The following OSBPL3 variants were observed in gnomAD, a reference collection of about 807,000 sequenced individuals.
The protein encoded by OSBPL3 is oxysterol-binding protein-related protein 3.
Under a neutral mutation model 120.1 loss-of-function variants are expected in OSBPL3, and 65 were observed. That is an observed-to-expected ratio of 0.54 (90% confidence interval 0.44 to 0.67). The LOEUF is 0.67. OSBPL3 is among the 30% of genes least tolerant of loss of function. The pLI is 0.00. For missense variants in OSBPL3, 1,004 were observed against 1,082.1 expected (o/e 0.93, Z 1.01); for synonymous variants, 416 against 402.6 (o/e 1.03, Z -0.40).
At chr7:24,923,467 T>A (rs890810309) in intron 1 of OSBPL3, among the ~76,000 whole-genome samples, 1 of 152,180 alleles carries the variant, frequency 6.6e-6, no homozygotes, top group Non-Finnish European at 1.5e-5. Flanking sequence ...CTAGGCAGAC[T>A]CTGAAGACCA....
chr7:24,804,470 A>G lies in OSBPL3; in HGVS notation c.2445-33T>C, dbSNP rs1308494348. On this transcript the variant is annotated intron_variant, in intron 21 of 22. Transcript: ENST00000313367. The surrounding 1 kb of genome is among the most constrained non-coding windows in gnomAD (Gnocchi z 5.4). ...ATCGAGGAAAAAAAAATGAAAGGATATGAATTCAAGAAAACAAAACAATCA... is the reference window on the plus strand; with the variant it reads ...ATCGAGGAAAAAAAAATGAAAGGATGTGAATTCAAGAAAACAAAACAATCA... 5.0e-6 allele frequency: 8 copies of G among 1,601,866 alleles called. No individual in the cohort carries two copies. Among genetic ancestry groups the G allele is most frequent in the Non-Finnish European group, 6.0e-6 (7 of 1,172,544 alleles).
intron 1 of OSBPL3, among the ~76,000 whole-genome samples, chr7:24,895,052 A>T (rs991611163): frequency 1.1e-4 from 17 of 152,162 alleles, no homozygotes; most frequent in Non-Finnish European, 2.5e-4. Context: ...CACAAGGTGG[A>T]GTTTTGGGAT....
chr7:24,842,387 A>T lies in OSBPL3; in HGVS notation c.1293T>A (p.Ala431=). ...AEENSRDENR[A]LVHQLSNESR... ...TTTCATTAGAAAGCTGATGAACTAG[A>T]GCTCGGTTTTCATCTCTGGAGTTTT... The change falls in exon 13 of 23, where the codon GCT becomes GCA. Residue 431 remains alanine (A), a synonymous_variant. Coordinates refer to ENST00000313367, the MANE Select transcript of OSBPL3 (RefSeq NM_015550.4). The T allele has an allele frequency of 1.2e-6, 2 of 1,610,880 alleles. No homozygotes were observed. Among genetic ancestry groups the T allele is most frequent in the East Asian group, 2.2e-5 (1 of 44,858 alleles).
At chr7:24,943,257 C>A (rs1435533104) in intron 1 of OSBPL3, among the ~76,000 whole-genome samples, 1 of 152,172 alleles carries the variant, frequency 6.6e-6, no homozygotes. Context: ...TCCATGCTGA[C>A]GAATCTGACC....
intron 1 of OSBPL3, among the ~76,000 whole-genome samples, chr7:24,956,337 T>C (rs1815042391): frequency 6.6e-6 from 1 of 152,252 alleles, no homozygotes; most frequent in African/African-American, 2.4e-5. Context: ...AGGATGCCAG[T>C]GGATAGAACT....
At position 24,834,460 on chromosome 7, in the gene OSBPL3, G is replaced by A; in HGVS notation, c.1746+26C>T. On this transcript the variant is annotated intron_variant, in intron 15 of 22. Transcript: ENST00000313367. The surrounding 1 kb of genome is among the most constrained non-coding windows in gnomAD (Gnocchi z 5.2). ...GTGGCTTGGGGACCGAGGCTGGACA[G>A]TGGCAAGGGAAGGCTGACTCCTCAC... 6.3e-7 allele frequency: 1 copy of A among 1,596,146 alleles called. No homozygotes were observed. Among genetic ancestry groups the A allele is most frequent in the African/African-American group, 1.3e-5 (1 of 74,824 alleles).
chr7:24,979,834 G>GACAC (rs1818069420), intron 1 of OSBPL3, 52 bp downstream of exon 1: 2 of 723,648 alleles, frequency 2.8e-6, no homozygotes, highest in African/African-American at 1.9e-5. Context: ...CCGCGCCGCC[G>GACAC]CCAGGCCCCC....
In OSBPL3 at chr7:24,863,288, C is replaced by T. The variant is rs1360041557; in HGVS notation, c.782G>A (p.Gly261Glu). The T allele has an allele frequency of 6.2e-7, 1 of 1,613,250 alleles. No individual in the cohort carries two copies. The highest frequency in any genetic ancestry group is 8.5e-7 in the Non-Finnish European group (1 of 1,179,330). Residue 261 changes from glycine to glutamate, a missense_variant, in exon 9 of 23, where the codon GGA (glycine) becomes GAA (glutamate). By Grantham distance (98) the Gly-to-Glu change is moderately conservative. Around this residue, in one of 4 missense-constraint regions of OSBPL3, gnomAD observed 272 missense variants for 248.8 expected, o/e 1.09. Coordinates refer to ENST00000313367, the MANE Select transcript of OSBPL3 (RefSeq NM_015550.4). This position sits in a 1 kb window ranked among gnomAD's most constrained non-coding sequence, Gnocchi z 5.8. ...TTCCTTTTTGGGACTTTCAAAAGAT[C>T]CACCCTTTGTTTCAAAACAGGAAAG... ...SAPAINAIQG[G>E]SFESPKKEKR...
Position 24,808,950 on chromosome 7 carries a change from TAAC to T in OSBPL3, c.2317+854_2317+856del, listed in dbSNP as rs1793414291. Among the ~76,000 whole-genome samples the T allele has an allele frequency of 2.0e-5, 3 of 152,106 alleles. No individual in the cohort carries two copies. The highest frequency in any genetic ancestry group is 4.4e-5 in the Non-Finnish European group (3 of 68,016). On this transcript the variant is annotated intron_variant, in intron 20 of 22. Coordinates refer to ENST00000313367, the MANE Select transcript of OSBPL3 (RefSeq NM_015550.4). The surrounding 1 kb of genome is among the most constrained non-coding windows in gnomAD (Gnocchi z 4.6). ...CATGCAGGGGTATGACACTGAATGGTAACAACCATTTTGCATTCATTAGGGGAA... is the reference window on the plus strand; with the variant it reads ...CATGCAGGGGTATGACACTGAATGGTAACCATTTTGCATTCATTAGGGGAA...
intron 1 of OSBPL3, among the ~76,000 whole-genome samples, chr7:24,948,603 T>C (rs989154303): frequency 6.6e-6 from 1 of 152,238 alleles, no homozygotes; most frequent in Non-Finnish European, 1.5e-5. Context: ...TGGAAGAGGA[T>C]GTCTCCATCT....
Position 24,912,765 on chromosome 7 carries a change from C to T in OSBPL3, c.-149-20144G>A, listed in dbSNP as rs1040899034. 1.4e-4 allele frequency among the ~76,000 whole-genome samples: 21 copies of T among 152,364 alleles called. No homozygotes were observed. Among genetic ancestry groups the T allele is most frequent in the African/African-American group, 4.6e-4 (19 of 41,586 alleles). On this transcript the variant is annotated intron_variant, in intron 1 of 22. Transcript: ENST00000313367. This position sits in a 1 kb window ranked among gnomAD's most constrained non-coding sequence, Gnocchi z 4.5. ...TGTACATCCCATCCCACATGCTCCT[C>T]TAACAAAGTGACCGTGACACTTCTT...
At position 24,940,827 on chromosome 7, in the gene OSBPL3, T is replaced by TTC. The variant is rs1813002142; in HGVS notation, c.-150+39058_-150+39059insGA. On this transcript the variant is annotated intron_variant, in intron 1 of 22. Coordinates refer to ENST00000313367, the MANE Select transcript of OSBPL3 (RefSeq NM_015550.4). This position sits in a 1 kb window ranked among gnomAD's most constrained non-coding sequence, Gnocchi z 4.4. ...TTTCTTCCTTTTTTTTCTTTTTTTTTTTGTGTGTGTGTGACGGAGTCTCGC... is the reference window on the plus strand; with the variant it reads ...TTTCTTCCTTTTTTTTCTTTTTTTTTTCTTGTGTGTGTGTGACGGAGTCTCGC... Among the ~76,000 whole-genome samples, 1 of 150,894 alleles carries TTC rather than the reference T, an allele frequency of 6.6e-6. No homozygotes were observed. The highest frequency in any genetic ancestry group is 1.5e-5 in the Non-Finnish European group (1 of 67,608).
In OSBPL3 at chr7:24,830,798, C is replaced by T. The variant is rs758380054; in HGVS notation, c.1854G>A (p.Glu618=). ...VLGETYECIR[E]DKGFQFFSEQ... is the part of the protein sequence containing the mutation. ...CTGAAAAAAACTGGAAGCCCTTGTC[C>T]TCCCGAATACATTCATATGTTTCTC... is the stretch of plus-strand genomic sequence containing the variant. The change falls in exon 16 of 23, where the codon GAG becomes GAA. Residue 618 remains glutamate (E), a synonymous_variant. Transcript: ENST00000313367. This position sits in a 1 kb window ranked among gnomAD's most constrained non-coding sequence, Gnocchi z 4.4. The T allele has an allele frequency of 6.2e-7, 1 of 1,613,606 alleles. No individual in the cohort carries two copies. Among genetic ancestry groups the T allele is most frequent in the Admixed American group, 1.7e-5 (1 of 59,904 alleles).
intron 1 of OSBPL3, among the ~76,000 whole-genome samples, chr7:24,954,460 C>A (rs1043421698): frequency 6.6e-6 from 1 of 152,114 alleles, no homozygotes; most frequent in Non-Finnish European, 1.5e-5. Context: ...ATCATATCCA[C>A]GAGAGACCCA....
intron 18 of OSBPL3, among the ~76,000 whole-genome samples, chr7:24,816,216 C>T (rs1010771682): frequency 5.3e-5 from 8 of 152,054 alleles, no homozygotes; most frequent in African/African-American, 1.9e-4. Flanking sequence ...TTTCTAGAGA[C>T]AGGGTCTTGT....
chr7:24,868,388 T>C (rs1302554968), intron 5 of OSBPL3, among the ~76,000 whole-genome samples: 1 of 150,408 alleles, frequency 6.6e-6, no homozygotes, highest in Admixed American at 6.6e-5. Context: ...TGATGGTGTA[T>C]TGATATTTTC....
chr7:24,920,054 T>C (rs1810203819), intron 1 of OSBPL3, among the ~76,000 whole-genome samples: 1 of 152,098 alleles, frequency 6.6e-6, no homozygotes, highest in South Asian at 2.1e-4. Context: ...CACAGTTTGA[T>C]GGGAATGCAA....
Position 24,980,107 on chromosome 7 carries a change from C to T in OSBPL3, c.-371G>A, listed in dbSNP as rs1228630274. ...CGCACCGGCCGCGAAGCGCTCAAGTCCCCTCTCCCGGGCCGGCTGGCGGGC... is the reference window on the plus strand; with the variant it reads ...CGCACCGGCCGCGAAGCGCTCAAGTTCCCTCTCCCGGGCCGGCTGGCGGGC... On this transcript the variant is annotated 5_prime_UTR_variant, in exon 1 of 23. Coordinates refer to ENST00000313367, the MANE Select transcript of OSBPL3 (RefSeq NM_015550.4). 7.3e-6 allele frequency: 7 copies of T among 958,950 alleles called. No individual in the cohort carries two copies. Among genetic ancestry groups the T allele is most frequent in the African/African-American group, 5.3e-5 (3 of 56,676 alleles). 59.4% of individuals were successfully genotyped at this position (958,950 alleles called of 1,614,324 possible).
rs151005610 is a variant in OSBPL3 at position 24,979,608 on chromosome 7, C to T, written c.-150+278G>A. On this transcript the variant is annotated intron_variant, in intron 1 of 22. Coordinates refer to ENST00000313367, the MANE Select transcript of OSBPL3 (RefSeq NM_015550.4). ...CCGCACCTGCGCCGCGGCCCCTGCG[C>T]TCGGCTCCTCCTGGCGGTCAATCCT... Among the ~76,000 whole-genome samples, 12 of 152,324 alleles carry T rather than the reference C, an allele frequency of 7.9e-5. No homozygotes were observed. The East Asian group carries it at 2.1e-3, about 27-fold the overall frequency.
Sources: gnomAD v4.1 joint callset for allele counts (sites outside exome capture counted in the v4.1 genomes callset) on GRCh38, gnomAD v4.1.1 for gene constraint, gnomAD v4.1.1 regional missense constraint, Gnocchi (gnomAD v3.1) non-coding constraint, MANE v1.5 for transcripts, NCBI Gene and HGNC (gene_info 2026-07-23, HGNC 2026-07-21) for gene names.